OSMR: variants seen among roughly 807,000 people sequenced by gnomAD.
OSMR encodes the protein oncostatin-M-specific receptor subunit beta.
In OSMR, 81 loss-of-function variants were observed where a neutral mutation model predicts 99.9. The observed-to-expected ratio is 0.81, with a 90% confidence interval of 0.68 to 0.97. The LOEUF (loss-of-function observed/expected upper bound fraction) is 0.97, where lower values mean the gene tolerates loss of function less well. OSMR is among the 50% of genes least tolerant of loss of function. The pLI is 0.00. For synonymous variants in OSMR, 406 were observed against 410.4 expected (o/e 0.99, Z 0.13); for missense variants, 1,099 against 1,153.4 (o/e 0.95, Z 0.68).
chr5:38,854,395 T>C (rs1427845635), intron 1 of OSMR, among the ~76,000 whole-genome samples: 2 of 152,234 alleles, frequency 1.3e-5, no homozygotes, highest in Non-Finnish European at 2.9e-5. Context: ...TAAAAAGTTG[T>C]GTTTTATTAC....
chr5:38,906,425 T>C (rs569165816), intron 9 of OSMR, among the ~76,000 whole-genome samples: 1 of 152,312 alleles, frequency 6.6e-6, no homozygotes, highest in Non-Finnish European at 1.5e-5. Context: ...CATGCTTAAG[T>C]ATAATTATAG....
At chr5:38,901,640 G>A (rs1744897202) in intron 7 of OSMR, among the ~76,000 whole-genome samples, 1 of 152,190 alleles carries the variant, frequency 6.6e-6, no homozygotes, top group African/African-American at 2.4e-5. Flanking sequence ...TCCAAAATGT[G>A]AGAGGCTGGT....
intron 16 of OSMR, 32 bp downstream of exon 16, chr5:38,931,996 G>A: frequency 1.4e-6 from 2 of 1,472,146 alleles, no homozygotes; most frequent in Middle Eastern, 1.7e-4. Flanking sequence ...TATCCAAGAA[G>A]AGAGTAAGAG....
At chr5:38,852,745 T>C in intron 1 of OSMR, among the ~76,000 whole-genome samples, 1 of 123,528 alleles carries the variant, frequency 8.1e-6, no homozygotes, top group African/African-American at 3.4e-5. Context: ...TTTTTTTTTT[T>C]TTTGAGACGG....
intron 11 of OSMR, 97 bp from the exon 12 acceptor site, chr5:38,921,518 G>T: frequency 1.3e-6 from 2 of 1,583,206 alleles, no homozygotes; most frequent in Non-Finnish European, 8.6e-7. Context: ...TTACCTACTA[G>T]ATACAGTGCA....
At chr5:38,903,120 G>T (rs757686920) in intron 7 of OSMR, among the ~76,000 whole-genome samples, 1 of 152,160 alleles carries the variant, frequency 6.6e-6, no homozygotes, top group Non-Finnish European at 1.5e-5. Context: ...TGCCAATTTT[G>T]TGAAGCAGGT....
chr5:38,925,005 C>A (rs1391866365), intron 14 of OSMR, 199 bp from the exon 15 acceptor site: 1 of 880,406 alleles, frequency 1.1e-6, no homozygotes, highest in Non-Finnish European at 1.4e-6. Flanking sequence ...GGATTTTTTG[C>A]TTTTTGTGCC....
intron 1 of OSMR, among the ~76,000 whole-genome samples, chr5:38,862,239 G>T (rs1183788702): frequency 8.7e-6 from 1 of 115,598 alleles, no homozygotes; most frequent in South Asian, 3.6e-4. Context: ...CTGGCTGGGC[G>T]GGGGGCTGAC....
At chr5:38,884,434 G>A (rs944346615) in intron 5 of OSMR, among the ~76,000 whole-genome samples, 2 of 152,156 alleles carry the variant, frequency 1.3e-5, no homozygotes, top group Non-Finnish European at 2.9e-5. Context: ...CATGGAGGGA[G>A]GGTAGGAGCT....
chr5:38,912,482 T>A (rs779702090), intron 9 of OSMR, among the ~76,000 whole-genome samples: 29 of 152,136 alleles, frequency 1.9e-4, no homozygotes, highest in Non-Finnish European at 1.3e-4. Context: ...TCAATATCAT[T>A]AAAATCACTG....
intron 9 of OSMR, among the ~76,000 whole-genome samples, chr5:38,906,269 A>G (rs1745222781): frequency 6.6e-6 from 1 of 152,156 alleles, no homozygotes; most frequent in South Asian, 2.1e-4. Flanking sequence ...TAATAATCTA[A>G]CATCTTGAAA....
rs1274189799 is a variant in OSMR at position 38,918,934 on chromosome 5, T to C, written c.1457T>C (p.Ile486Thr). Residue 486 changes from isoleucine to threonine, a missense_variant, in exon 11 of 18, where the codon ATT becomes ACT. Transcript: ENST00000274276. Reference protein sequence around the residue: ...DKPSSSELHSIPAPANSTKLI... With the variant: ...DKPSSSELHSTPAPANSTKLI... The stretch of plus-strand genomic sequence containing the variant: ...CCATCCAGTTCAGAGCTCCATTCCA[T>C]TCCAGCACCAGCCAACAGCACAAAA... The C allele has an allele frequency of 1.2e-6, 2 of 1,614,138 alleles. No homozygotes were observed. Among genetic ancestry groups the C allele is most frequent in the Non-Finnish European group, 1.7e-6 (2 of 1,179,984 alleles).
At chr5:38,927,712 T>G (rs1746535652) in intron 15 of OSMR, among the ~76,000 whole-genome samples, 1 of 152,192 alleles carries the variant, frequency 6.6e-6, no homozygotes, top group South Asian at 2.1e-4. Flanking sequence ...ATTGCCTTAA[T>G]GATTAACATT....
At chr5:38,912,823 G>A (rs1158254734) in intron 9 of OSMR, among the ~76,000 whole-genome samples, 2 of 152,050 alleles carry the variant, frequency 1.3e-5, no homozygotes, top group African/African-American at 4.8e-5. Flanking sequence ...TAAGCAATGG[G>A]GAAAGGACTC....
chr5:38,848,822 G>A (rs927734460), intron 1 of OSMR, among the ~76,000 whole-genome samples: 1 of 152,122 alleles, frequency 6.6e-6, no homozygotes, highest in Admixed American at 6.5e-5. Flanking sequence ...CACACAGGCA[G>A]AAGTGCAGTG....
intron 1 of OSMR, among the ~76,000 whole-genome samples, chr5:38,868,556 C>G (rs1442343405): frequency 1.3e-5 from 2 of 152,196 alleles, no homozygotes; most frequent in Admixed American, 1.3e-4. Flanking sequence ...ACTTTTGCCT[C>G]TTACTCATTT....
At chr5:38,856,190 A>T (rs1357418328) in intron 1 of OSMR, among the ~76,000 whole-genome samples, 1 of 152,180 alleles carries the variant, frequency 6.6e-6, no homozygotes, top group East Asian at 1.9e-4. Flanking sequence ...GAAGCAGCTA[A>T]CTTGGAATCA....
At chr5:38,893,181 C>T (rs1168246658) in intron 7 of OSMR, among the ~76,000 whole-genome samples, 1 of 152,222 alleles carries the variant, frequency 6.6e-6, no homozygotes, top group Admixed American at 6.5e-5. Context: ...CATGCAGCTC[C>T]AAATGAAACC....
chr5:38,944,569 C>T (rs936122864), intron 2 of OSMR: 20 of 1,585,838 alleles, frequency 1.3e-5, no homozygotes, highest in Non-Finnish European at 1.5e-5. Flanking sequence ...TGTTTTAACA[C>T]CTGAAAAGAT....
Sources: allele counts gnomAD v4.1 joint callset (sites outside exome capture counted in the v4.1 genomes callset), GRCh38; gene constraint gnomAD v4.1.1; transcripts MANE v1.5; gene names NCBI Gene and HGNC (gene_info 2026-07-23, HGNC 2026-07-21).